MLIP: variants seen among roughly 807,000 people sequenced by gnomAD.
The protein encoded by MLIP is muscular LMNA-interacting protein.
A neutral mutation model predicts 84.8 loss-of-function variants in MLIP; 79 were observed. That is an observed-to-expected ratio of 0.93 (90% CI 0.78 to 1.12). The LOEUF is 1.12. Among genes scored for constraint, MLIP ranks in the 50% most tolerant of loss-of-function variants. The pLI is 0.00. For missense variants in MLIP, 1,257 were observed against 1,160.6 expected, an observed-to-expected ratio of 1.08 and a Z score of -1.21; for synonymous variants, 504 against 463.0, an observed-to-expected ratio of 1.09 and a Z score of -1.14.
Position 54,238,538 on chromosome 6 carries a change from GTC to G in MLIP, c.2922+7625_2922+7626del, listed in dbSNP as rs576779683. ...TATCACTTATTGTTTTCTCCCTTGA[GTC>G]TCTACTCTGCCAAGTTTGCACCAGC... On this transcript the variant is annotated intron_variant, in intron 12 of 13. Coordinates refer to ENST00000502396, the MANE Select transcript of MLIP (RefSeq NM_001281747.2). Among the ~76,000 whole-genome samples the G allele has an allele frequency of 7.6e-4, 115 of 152,216 alleles. 1 individual carries two copies. Among genetic ancestry groups the G allele is most frequent in the African/African-American group, 2.8e-3 (115 of 41,536 alleles).
chr6:54,101,245 GA>G (rs531138638), intron 1 of MLIP, among the ~76,000 whole-genome samples: 9 of 152,028 alleles, frequency 5.9e-5, no homozygotes, highest in Non-Finnish European at 7.4e-5. Flanking sequence ...ATTAAGGGGG[GA>G]AAAAGGAGGA....
chr6:54,132,378 AG>A (rs775055787), intron 3 of MLIP, among the ~76,000 whole-genome samples: 7 of 152,330 alleles, frequency 4.6e-5, no homozygotes, highest in Non-Finnish European at 8.8e-5. Flanking sequence ...GATTTCTAAG[AG>A]GGCAAGAGCT....
chr6:54,254,919 C>T (rs1219717565), intron 12 of MLIP, among the ~76,000 whole-genome samples: 6 of 151,994 alleles, frequency 3.9e-5, no homozygotes, highest in South Asian at 4.1e-4. Flanking sequence ...CATGACCACA[C>T]GTGTCCCCTA....
chr6:54,088,844 A>G (rs1419025467), intron 1 of MLIP, among the ~76,000 whole-genome samples: 1 of 152,194 alleles, frequency 6.6e-6, no homozygotes, highest in African/African-American at 2.4e-5. Flanking sequence ...ATGATAATGA[A>G]TAAATAAATT....
Position 54,035,537 on chromosome 6 carries a change from T to C in MLIP, c.63+16446T>C, listed in dbSNP as rs552607984. ...CATTTTTTTTTAGTTTTAAAGGGAA[T>C]TGTCAAATTATTTTTCTGAGTAGCT... On this transcript the variant is annotated intron_variant, in intron 1 of 12. Coordinates refer to the MLIP transcript ENST00000274897. Among the ~76,000 whole-genome samples, 15 of 152,218 alleles carry C rather than the reference T, an allele frequency of 9.9e-5. No homozygotes were observed. The East Asian group carries it at 2.1e-3, about 22-fold the overall frequency.
chr6:54,124,801 A>C lies in MLIP; in HGVS notation c.581A>C (p.Asp194Ala), dbSNP rs781170733. The change falls in exon 3 of 14, where the codon GAT becomes GCT. Residue 194 changes from aspartate to alanine, a missense_variant. Physicochemically the swap from Asp to Ala is moderately radical, Grantham distance 126 (BLOSUM62 -2). Transcript: ENST00000502396. ...GTGCGTCCCAAAACACAGGGGACTG[A>C]TCTCAAGACCTCATCACATCCTGAA... ...DVVRPKTQGT[D>A]LKTSSHPEML... The C allele has an allele frequency of 6.2e-7, 1 of 1,613,778 alleles. No homozygotes were observed. Among genetic ancestry groups the C allele is most frequent in the Non-Finnish European group, 8.5e-7 (1 of 1,179,904 alleles).
chr6:54,172,818 G>A (rs2150603769), intron 9 of MLIP, among the ~76,000 whole-genome samples: 1 of 151,654 alleles, frequency 6.6e-6, no homozygotes, highest in South Asian at 2.1e-4. Flanking sequence ...TTTTTAGGAT[G>A]AGCCAGGTGC....
chr6:54,064,002 T>C (rs1766130819), intron 1 of MLIP, among the ~76,000 whole-genome samples: 3 of 53,690 alleles, frequency 5.6e-5, no homozygotes, highest in East Asian at 5.6e-4. Context: ...CTTGTTTGGA[T>C]TTTTGTTGCT....
At chr6:54,096,683 A>G (rs1007671524) in intron 1 of MLIP, among the ~76,000 whole-genome samples, 2 of 152,034 alleles carry the variant, frequency 1.3e-5, no homozygotes, top group Non-Finnish European at 2.9e-5. Flanking sequence ...CCCTCTGCCA[A>G]TCCTGCCTCT....
At chr6:54,164,813 T>G (rs570793172) in intron 8 of MLIP, among the ~76,000 whole-genome samples, 41 of 151,976 alleles carry the variant, frequency 2.7e-4, no homozygotes, top group African/African-American at 9.4e-4. Flanking sequence ...AATTGCTGAT[T>G]AGTAGTCCAC....
chr6:54,128,243 G>A (rs1012490260), intron 3 of MLIP, among the ~76,000 whole-genome samples: 1 of 152,102 alleles, frequency 6.6e-6, no homozygotes, highest in African/African-American at 2.4e-5. Context: ...CTAGAAAGAA[G>A]TTGGAAGTAT....
intron 1 of MLIP, among the ~76,000 whole-genome samples, chr6:54,019,898 G>A (rs1763402077): frequency 6.6e-6 from 1 of 152,074 alleles, no homozygotes; most frequent in Non-Finnish European, 1.5e-5. Context: ...ATGGAAAAAA[G>A]AACCATACTG....
intron 12 of MLIP, among the ~76,000 whole-genome samples, chr6:54,234,135 T>A (rs1316572100): frequency 6.6e-6 from 1 of 152,076 alleles, no homozygotes; most frequent in East Asian, 1.9e-4. Context: ...AATTCTTTTA[T>A]CCTTAAAAGT....
At chr6:54,192,742 T>C (rs1476120697) in intron 10 of MLIP, among the ~76,000 whole-genome samples, 1 of 152,124 alleles carries the variant, frequency 6.6e-6, no homozygotes, top group Non-Finnish European at 1.5e-5. Context: ...TGTATGGATG[T>C]ATAACGCATA....
chr6:54,188,417 ACT>A (rs1777602541), intron 9 of MLIP, among the ~76,000 whole-genome samples: 2 of 151,520 alleles, frequency 1.3e-5, no homozygotes, highest in Admixed American at 1.3e-4. Flanking sequence ...TATTTTTTAC[ACT>A]CTTATTCTAT....
intron 13 of MLIP, among the ~76,000 whole-genome samples, chr6:54,260,628 G>T (rs904437191): frequency 6.6e-6 from 1 of 151,950 alleles, no homozygotes; most frequent in African/African-American, 2.4e-5. Context: ...AGAATTTGTT[G>T]CAGTGAATGA....
At chr6:54,122,087 T>C (rs1344513365) in intron 2 of MLIP, among the ~76,000 whole-genome samples, 1 of 152,206 alleles carries the variant, frequency 6.6e-6, no homozygotes, top group Non-Finnish European at 1.5e-5. Flanking sequence ...ATACTTTATC[T>C]ATAGTTATAA....
At chr6:54,025,361 T>G (rs1417780271) in intron 1 of MLIP, among the ~76,000 whole-genome samples, 1 of 152,182 alleles carries the variant, frequency 6.6e-6, no homozygotes, top group African/African-American at 2.4e-5. Context: ...TGTTATTCCT[T>G]ACAAGGCAAC....
chr6:54,216,465 T>A, intron 11 of MLIP: 1 of 985,428 alleles, frequency 1.0e-6, no homozygotes, highest in Non-Finnish European at 1.2e-6. Flanking sequence ...TTCTTTCTTT[T>A]CCCTTGAGTG....
Sources: gnomAD v4.1 joint callset for allele counts (sites outside exome capture counted in the v4.1 genomes callset) on GRCh38, gnomAD v4.1.1 for gene constraint, MANE v1.5 for transcripts, NCBI Gene and HGNC (gene_info 2026-07-23, HGNC 2026-07-21) for gene names.